Variants in TMEM51 observed in about 807,000 individuals in gnomAD.
The protein encoded by TMEM51 is transmembrane protein 51.
TMEM51 carries 8 observed loss-of-function variants against 13.6 expected under a neutral mutation model. The observed-to-expected ratio is 0.59, with a 90% CI of 0.35 to 1.07. The LOEUF (loss-of-function observed/expected upper bound fraction) is 1.07, where lower values mean the gene tolerates loss of function less well. Ranked by LOEUF, TMEM51 falls within the 50% of genes least tolerant of loss-of-function variation. TMEM51 has a pLI of 0.02. For synonymous variants in TMEM51, 147 were observed against 144.4 expected (o/e 1.02, Z -0.13); for missense variants, 279 against 330.7 (o/e 0.84, Z 1.21).
intron 1 of TMEM51, among the ~76,000 whole-genome samples, chr1:15,190,945 A>T (rs2092503): frequency 6.6e-6 from 1 of 151,862 alleles, no homozygotes; most frequent in Non-Finnish European, 1.5e-5. Flanking sequence ...GTGCCACCAC[A>T]CCCGGCTAAT....
intron 1 of TMEM51, among the ~76,000 whole-genome samples, chr1:15,172,534 AAAGT>A (rs1478231556): frequency 1.3e-5 from 2 of 152,110 alleles, no homozygotes; most frequent in Admixed American, 6.5e-5. Context: ...AGGAAAAGAG[AAAGT>A]AAGTGAACTC....
chr1:15,192,470 T>TTTTTTTTTTTA lies in TMEM51; in HGVS notation c.-266-18020_-266-18019insTTTTTTTTTTA, dbSNP rs3078880. ...TCTTTCTTTTCTTTTCCTTTTTTTT[T>TTTTTTTTTTTA]ATGACAGAATCTTGCTCTGCTGCCC... On this transcript the variant is annotated intron_variant, in intron 1 of 3. Transcript: ENST00000376008. The TTTTTTTTTTTA allele has an allele frequency of 4.1e-4, 104 of 250,788 alleles. 1 individual carries two copies. Among genetic ancestry groups the TTTTTTTTTTTA allele is most frequent in the African/African-American group, 1.9e-3 (71 of 37,986 alleles). The allele number at this position is 250,788 out of a possible 1,614,324, so 15.5% of individuals were successfully genotyped here.
intron 2 of TMEM51, among the ~76,000 whole-genome samples, chr1:15,212,875 A>G (rs558545690): frequency 2.0e-5 from 3 of 152,320 alleles, no homozygotes; most frequent in African/African-American, 7.2e-5. Flanking sequence ...GTGCATAAAC[A>G]TATATGCACA....
chr1:15,176,414 G>A (rs1037336321), intron 1 of TMEM51, among the ~76,000 whole-genome samples: 2 of 152,190 alleles, frequency 1.3e-5, no homozygotes, highest in African/African-American at 4.8e-5. Flanking sequence ...CAAACAACCT[G>A]CATGAACAGA....
Position 15,163,340 on chromosome 1 carries a change from C to A in TMEM51, c.-267+9386C>A, listed in dbSNP as rs200716180. Reference sequence around the variant, plus strand: ...AGCCAAAGCTAAGCTCTTTAACTTTCAACACTATAAAGCCCGGACTTCTTA... The same window carrying A: ...AGCCAAAGCTAAGCTCTTTAACTTTAAACACTATAAAGCCCGGACTTCTTA... On this transcript the variant is annotated intron_variant, in intron 1 of 3. Transcript: ENST00000376008. 5.3e-5 allele frequency among the ~76,000 whole-genome samples: 8 copies of A among 152,146 alleles called. No homozygotes were observed. In the East Asian group the frequency reaches 1.5e-3, roughly 29 times the overall value.
At chr1:15,171,057 G>C (rs553387577) in intron 1 of TMEM51, 15 of 824,088 alleles carry the variant, frequency 1.8e-5, no homozygotes, top group Non-Finnish European at 2.6e-5. Context: ...ATCCTCTGGG[G>C]TGGGGGGCTT....
chr1:15,159,300 C>T (rs544604061), intron 1 of TMEM51, among the ~76,000 whole-genome samples: 20 of 152,304 alleles, frequency 1.3e-4, no homozygotes, highest in African/African-American at 4.1e-4. Flanking sequence ...ACTCAGGCCT[C>T]ACATTGAGGA....
intron 1 of TMEM51, among the ~76,000 whole-genome samples, chr1:15,184,803 G>T (rs1643721830): frequency 6.6e-6 from 1 of 151,482 alleles, no homozygotes; most frequent in African/African-American, 2.4e-5. Context: ...TCTCAAGCAG[G>T]GGTGATCTTG....
At position 15,160,452 on chromosome 1, in the gene TMEM51, T is replaced by G. The variant is rs1477458035; in HGVS notation, c.-267+6498T>G. 2.3e-3 allele frequency among the ~76,000 whole-genome samples: 348 copies of G among 151,310 alleles called. 4 individuals carry two copies. Among genetic ancestry groups the G allele is most frequent in the African/African-American group, 7.8e-3 (316 of 40,706 alleles). ...CCACGCCCGGCCAATTTTTGTATTTTTAATAGAGATAGGGTTTCACCATGT... is the reference window on the plus strand; with the variant it reads ...CCACGCCCGGCCAATTTTTGTATTTGTAATAGAGATAGGGTTTCACCATGT... On this transcript the variant is annotated intron_variant, in intron 1 of 3. Coordinates refer to ENST00000376008, the MANE Select transcript of TMEM51 (RefSeq NM_001136218.2).
At chr1:15,168,670 T>C in intron 1 of TMEM51, 1 of 1,304,408 alleles carries the variant, frequency 7.7e-7, no homozygotes, top group African/African-American at 1.5e-5. Flanking sequence ...TGAGGAAGTC[T>C]GTTGGTAGCT....
intron 1 of TMEM51, among the ~76,000 whole-genome samples, chr1:15,200,609 G>C (rs541870593): frequency 2.6e-5 from 4 of 152,114 alleles, no homozygotes; most frequent in African/African-American, 9.6e-5. Flanking sequence ...GATTTCTGTT[G>C]TTTCAGGCAC....
chr1:15,219,880 G>A lies in TMEM51; in HGVS notation c.*137G>A, dbSNP rs773199875. The A allele has an allele frequency of 4.2e-4, 410 of 974,902 alleles. 2 individuals are homozygous for A. The highest frequency in any genetic ancestry group is 3.3e-4 in the Middle Eastern group (1 of 3,066). 60.4% of individuals were successfully genotyped at this position (974,902 alleles called of 1,614,324 possible). On this transcript the variant is annotated 3_prime_UTR_variant, in exon 4 of 4. Coordinates refer to ENST00000376008, the MANE Select transcript of TMEM51 (RefSeq NM_001136218.2). ...AGCCATTTGGATGGCGGCGGGCGGG[G>A]GGGGATTCTCTGTATCAGGAGTGAC...
intron 1 of TMEM51, among the ~76,000 whole-genome samples, chr1:15,197,397 C>T (rs1013270425): frequency 5.3e-5 from 8 of 152,106 alleles, no homozygotes; most frequent in Non-Finnish European, 1.0e-4. Context: ...TTCTCTGGGG[C>T]GCTTGAGACT....
intron 1 of TMEM51, among the ~76,000 whole-genome samples, chr1:15,181,507 A>C (rs771451107): frequency 6.6e-6 from 1 of 152,138 alleles, no homozygotes; most frequent in Non-Finnish European, 1.5e-5. Context: ...TTAAAAACTC[A>C]AAGCCTCGTT....
At chr1:15,187,905 C>G (rs564003933) in intron 1 of TMEM51, among the ~76,000 whole-genome samples, 1 of 152,340 alleles carries the variant, frequency 6.6e-6, no homozygotes, top group Non-Finnish European at 1.5e-5. Context: ...TGAGCCCCCA[C>G]TTTGCAGCTG....
At chr1:15,204,902 G>A (rs984155188) in intron 1 of TMEM51, among the ~76,000 whole-genome samples, 2 of 152,100 alleles carry the variant, frequency 1.3e-5, no homozygotes, top group Non-Finnish European at 2.9e-5. Context: ...GGGTCGGGGG[G>A]CTGCTGCTGT....
At chr1:15,196,597 T>C (rs1184392106) in intron 1 of TMEM51, among the ~76,000 whole-genome samples, 1 of 152,166 alleles carries the variant, frequency 6.6e-6, no homozygotes, top group African/African-American at 2.4e-5. Context: ...CAAACAATCC[T>C]CCCACTTGAG....
Position 15,215,389 on chromosome 1 carries a change from A to G in TMEM51, c.302A>G (p.Gln101Arg), listed in dbSNP as rs1644414437. Residue 101 changes from glutamine (Q) to arginine (R), a missense_variant, in exon 3 of 4, where the codon CAG becomes CGG. Coordinates refer to ENST00000376008, the MANE Select transcript of TMEM51 (RefSeq NM_001136218.2). ...CAGGGCGAGGACCTGGCCCATGTCC[A>G]GCACCCGACAGGCGCTGGGCCTCAC... ...QRQGEDLAHV[Q>R]HPTGAGPHAQ... 2.5e-6 allele frequency: 4 copies of G among 1,605,800 alleles called. No homozygotes were observed. Among genetic ancestry groups the G allele is most frequent in the African/African-American group, 2.7e-5 (2 of 74,894 alleles).
chr1:15,184,384 A>G (rs1047219055), intron 1 of TMEM51, among the ~76,000 whole-genome samples: 2 of 152,208 alleles, frequency 1.3e-5, no homozygotes, highest in African/African-American at 4.8e-5. Flanking sequence ...GTGAGTGGCC[A>G]GGGACTAGCA....
Sources: allele counts gnomAD v4.1 joint callset (sites outside exome capture counted in the v4.1 genomes callset), GRCh38; gene constraint gnomAD v4.1.1; transcripts MANE v1.5; gene names NCBI Gene and HGNC (gene_info 2026-07-23, HGNC 2026-07-21).